Variants in SCLY observed in about 807,000 individuals in gnomAD.
The protein encoded by SCLY is selenocysteine lyase, also known as putative selenocysteine lyase.
In SCLY, 38 loss-of-function variants were observed where a neutral mutation model predicts 50.1. That is an observed-to-expected ratio of 0.76 (90% confidence interval 0.59 to 0.99). The LOEUF is 0.99. SCLY is among the 50% of genes least tolerant of loss of function. The pLI is 0.00. For synonymous variants in SCLY, 243 were observed against 249.4 expected, an observed-to-expected ratio of 0.97 and a Z score of 0.24; for missense variants, 600 against 620.0, an observed-to-expected ratio of 0.97 and a Z score of 0.34.
At chr2:238,095,549 T>C (rs1165102531) in intron 10 of SCLY, 1 of 152,226 alleles carries the variant, frequency 6.6e-6, no homozygotes, top group East Asian at 1.9e-4. Context: ...GTAACCGTCA[T>C]GATGGCTGCG....
rs1691299391 is a variant in SCLY, at chr2:238,098,532, G to A, written c.*177G>A. 1 of 634,114 alleles carries A rather than the reference G, an allele frequency of 1.6e-6. No homozygotes were observed. The highest frequency in any genetic ancestry group is 2.4e-5 in the South Asian group (1 of 42,482). 39.3% of individuals were successfully genotyped at this position (634,114 alleles called of 1,614,324 possible). A position where few individuals can be genotyped will look rare whatever the true frequency, so the allele number is the denominator to read the frequency against. On this transcript the variant is annotated 3_prime_UTR_variant, in exon 12 of 12. Transcript: ENST00000254663. ...GTTTCCTTCCCTGGACCCCTGCAGA[G>A]CTCACAGGGCCCAGGACACCAACGC...
At position 238,098,640 on chromosome 2, in the gene SCLY, C is replaced by CCCACATAGAACCGCCCACATAGAACCGT; in HGVS notation, c.*291_*292insAGAACCGCCCACATAGAACCGTCCACAT. On this transcript the variant is annotated 3_prime_UTR_variant, in exon 12 of 12. Transcript: ENST00000254663. ...ACATGGGACCGCCCACATGGGACCGCCCACATGGGACCGCCCACATAGAAC... is the reference window on the plus strand; with the variant it reads ...ACATGGGACCGCCCACATGGGACCGCCCACATAGAACCGCCCACATAGAACCGTCCACATGGGACCGCCCACATAGAAC... 6 of 352,030 alleles carry CCCACATAGAACCGCCCACATAGAACCGT rather than the reference C, an allele frequency of 1.7e-5. No individual in the cohort carries two copies. Among genetic ancestry groups the CCCACATAGAACCGCCCACATAGAACCGT allele is most frequent in the Admixed American group, 4.7e-5 (1 of 21,168 alleles). The allele number at this position is 352,030 out of a possible 1,614,324, so 21.8% of individuals were successfully genotyped here.
chr2:238,067,915 G>A lies in SCLY; in HGVS notation c.203-150G>A, dbSNP rs952368131. On this transcript the variant is annotated intron_variant, in intron 2 of 11. Coordinates refer to ENST00000254663, the MANE Select transcript of SCLY (RefSeq NM_016510.7). The surrounding 1 kb of genome is among the most constrained non-coding windows in gnomAD (Gnocchi z 4.3). ...TTTGCCGGGTTGTGTCTAGGTTGTA[G>A]CATTTTGCTGTGCTCACATTAAGGG... The A allele has an allele frequency of 3.6e-6, 2 of 556,408 alleles. No individual in the cohort carries two copies. The highest frequency in any genetic ancestry group is 6.3e-6 in the Non-Finnish European group (2 of 315,442). 34.5% of individuals were successfully genotyped at this position (556,408 alleles called of 1,614,324 possible).
At chr2:238,091,561 G>GCTTT in intron 8 of SCLY, 43 of 302,556 alleles carry the variant, frequency 1.4e-4, no homozygotes, top group South Asian at 3.1e-4. Context: ...ATTCCCAAAG[G>GCTTT]CGTCGGCAGC....
intron 11 of SCLY, 36 bp downstream of exon 11, chr2:238,096,912 G>A (rs2065443424): frequency 2.6e-6 from 4 of 1,550,882 alleles, no homozygotes; most frequent in South Asian, 2.4e-5. Context: ...CAGGGCATAG[G>A]GGTCCTCCGG....
Position 238,082,203 on chromosome 2 carries a change from G to A in SCLY, c.771G>A (p.Gly257=). The A allele has an allele frequency of 6.2e-7, 1 of 1,604,356 alleles. No individual in the cohort carries two copies. The highest frequency in any genetic ancestry group is 2.2e-5 in the East Asian group (1 of 44,558). Residue 257 remains glycine (G), a synonymous_variant, in exon 6 of 12, where the codon GGG becomes GGA. Coordinates refer to ENST00000254663, the MANE Select transcript of SCLY (RefSeq NM_016510.7). The stretch of plus-strand genomic sequence containing the variant: ...GCGTGGACTTCCTTACAATCGTGGG[G>A]CACAAGGTAAGTCTGCAGAGGCTTC... ...DLGVDFLTIV[G]HKFYGPRIGA...
intron 10 of SCLY, chr2:238,095,803 C>T (rs536486752): frequency 1.3e-5 from 2 of 152,302 alleles, no homozygotes; most frequent in South Asian, 2.1e-4. Flanking sequence ...TGCTGTGGCG[C>T]AATCACAGCC....
chr2:238,091,367 G>A lies in SCLY; in HGVS notation c.921+113G>A, dbSNP rs141786692. The A allele has an allele frequency of 1.4e-5, 12 of 878,050 alleles. No individual in the cohort carries two copies. The East Asian group carries it at 1.4e-4, about 11-fold the overall frequency. 54.4% of individuals were successfully genotyped at this position (878,050 alleles called of 1,614,324 possible). ...AGATCATATTCGTGATCTCATAAGCGGACTGACAAGAAAAAGCCTGGAATC... is the reference window on the plus strand; with the variant it reads ...AGATCATATTCGTGATCTCATAAGCAGACTGACAAGAAAAAGCCTGGAATC... On this transcript the variant is annotated intron_variant, in intron 8 of 11. Coordinates refer to ENST00000254663, the MANE Select transcript of SCLY (RefSeq NM_016510.7).
Position 238,094,618 on chromosome 2 carries a change from T to A in SCLY, c.1108+96T>A, listed in dbSNP as rs1174002361. On this transcript the variant is annotated intron_variant, in intron 10 of 11. Transcript: ENST00000254663. The stretch of plus-strand genomic sequence containing the variant: ...CCAGTGACTCCCACTCGCCCTGCCC[T>A]GAGCATGACACAGCTCGGGCTGTCA... 6.6e-6 allele frequency: 7 copies of A among 1,060,538 alleles called. No homozygotes were observed. In the African/African-American group the frequency reaches 1.1e-4, roughly 17 times the overall value. The allele number at this position is 1,060,538 out of a possible 1,614,324, so 65.7% of individuals were successfully genotyped here.
Position 238,068,124 on chromosome 2 carries a change from G to A in SCLY, c.262G>A (p.Gly88Arg), listed in dbSNP as rs759901058. The change falls in exon 3 of 12, where the codon GGG becomes AGG. Residue 88 changes from glycine (G) to arginine (R), a missense_variant. Coordinates refer to ENST00000254663, the MANE Select transcript of SCLY (RefSeq NM_016510.7). ...ARESLAKMIG[G>R]KPQDIIFTSG... is the part of the protein sequence containing the mutation. ...GGAAAGCCTCGCGAAGATGATAGGG[G>A]GGAAACCTCAAGATATAATCTTCAC... 25 of 1,611,544 alleles carry A rather than the reference G, an allele frequency of 1.6e-5. No individual in the cohort carries two copies. In the South Asian group the frequency reaches 2.3e-4, roughly 15 times the overall value.
chr2:238,096,840 G>T lies in SCLY; in HGVS notation c.1148G>T (p.Ser383Ile), dbSNP rs949419647. ...VLAQCRVLMA[S>I]VGAACHSDHG... The stretch of plus-strand genomic sequence containing the variant: ...GCGCAGTGCCGAGTGCTGATGGCCA[G>T]TGTGGGGGCCGCGTGCCACTCGGAC... The change falls in exon 11 of 12, where the codon AGT (serine) becomes ATT (isoleucine). Residue 383 changes from serine (S) to isoleucine (I), a missense_variant. Physicochemically the swap from Ser to Ile is moderately radical, Grantham distance 142. Transcript: ENST00000254663. 3.7e-6 allele frequency: 6 copies of T among 1,612,702 alleles called. No individual in the cohort carries two copies. The highest frequency in any genetic ancestry group is 5.1e-6 in the Non-Finnish European group (6 of 1,179,682).
chr2:238,086,595 A>C (rs1380471485), intron 7 of SCLY, among the ~76,000 whole-genome samples: 1 of 150,722 alleles, frequency 6.6e-6, no homozygotes, highest in Non-Finnish European at 1.5e-5. Flanking sequence ...AGTCCCAGCT[A>C]CTCAGGAGGC....
chr2:238,071,475 GGTGGGCACCTA>G (rs147010911), intron 4 of SCLY, among the ~76,000 whole-genome samples: 2,101 of 152,198 alleles, frequency 0.014, 42 homozygotes, highest in African/African-American at 0.048. Context: ...CGGGCGTGGT[GGTGGGCACCTA>G]TAATCCCGGC....
At chr2:238,074,777 C>T (rs185065531) in intron 4 of SCLY, among the ~76,000 whole-genome samples, 3 of 152,176 alleles carry the variant, frequency 2.0e-5, no homozygotes, top group African/African-American at 4.8e-5. Context: ...AGCCACCATG[C>T]GTGGCCTAAT....
At chr2:238,073,476 A>G (rs571151594) in intron 4 of SCLY, among the ~76,000 whole-genome samples, 11 of 152,300 alleles carry the variant, frequency 7.2e-5, no homozygotes, top group Admixed American at 3.3e-4. Context: ...TTGTTTTCCA[A>G]TCCATGAACA....
At chr2:238,061,624 C>A (rs908836656) in intron 1 of SCLY, among the ~76,000 whole-genome samples, 1 of 152,078 alleles carries the variant, frequency 6.6e-6, no homozygotes, top group Non-Finnish European at 1.5e-5. Context: ...AGGCATGGGA[C>A]GAGAGGAAGC....
chr2:238,083,142 A>G lies in SCLY; in HGVS notation c.778-106A>G, dbSNP rs1411902639. On this transcript the variant is annotated intron_variant, in intron 6 of 11. Coordinates refer to ENST00000254663, the MANE Select transcript of SCLY (RefSeq NM_016510.7). This position sits in a 1 kb window ranked among gnomAD's most constrained non-coding sequence, Gnocchi z 4.3. ...GGCGCCACAAGGAAGCAGCAGGACT[A>G]TGCATTGCAGAGCATTTCTCCTGTG... The G allele has an allele frequency of 1.2e-6, 1 of 828,576 alleles. No individual in the cohort carries two copies. The highest frequency in any genetic ancestry group is 1.4e-5 in the South Asian group (1 of 73,642). The allele number at this position is 828,576 out of a possible 1,614,324, so 51.3% of individuals were successfully genotyped here.
At chr2:238,097,441 G>T (rs1324909485) in intron 11 of SCLY, among the ~76,000 whole-genome samples, 2 of 152,144 alleles carry the variant, frequency 1.3e-5, no homozygotes, top group Non-Finnish European at 2.9e-5. Context: ...AAAACGTGAG[G>T]CCCCTGTGGG....
intron 11 of SCLY, among the ~76,000 whole-genome samples, chr2:238,097,609 G>T (rs567787034): frequency 1.3e-5 from 2 of 152,198 alleles, no homozygotes; most frequent in South Asian, 4.2e-4. Context: ...GGAGGGGCAG[G>T]ATGGGGCCCT....
Sources: gnomAD v4.1 joint callset for allele counts (sites outside exome capture counted in the v4.1 genomes callset) on GRCh38, gnomAD v4.1.1 for gene constraint, Gnocchi (gnomAD v3.1) non-coding constraint, MANE v1.5 for transcripts, NCBI Gene and HGNC (gene_info 2026-07-23, HGNC 2026-07-21) for gene names.